The following RIMKLB variants were observed in gnomAD, a reference collection of about 807,000 sequenced individuals.
The protein encoded by RIMKLB is ribosomal modification protein rimK like family member B.
A neutral mutation model predicts 32.0 loss-of-function variants in RIMKLB; 7 were observed. The observed-to-expected ratio is 0.22, with a 90% CI of 0.12 to 0.41. The LOEUF is 0.41. Ranked by LOEUF, RIMKLB falls within the 10% of genes least tolerant of loss-of-function variation. The pLI, the probability that RIMKLB is intolerant of heterozygous loss-of-function variation, is 1.00. For synonymous variants in RIMKLB, 172 were observed against 185.1 expected, an observed-to-expected ratio of 0.93 and a Z score of 0.57; for missense variants, 289 against 498.7, an observed-to-expected ratio of 0.58 and a Z score of 4.00.
intron 2 of RIMKLB, chr12:8,742,560 G>A (rs1947658583): frequency 5.7e-6 from 2 of 349,930 alleles, no homozygotes; most frequent in East Asian, 7.9e-5. Flanking sequence ...AAAAGAAAAA[G>A]TGATGGCATC....
At chr12:8,682,160 A>C (rs1942425766) in intron 1 of RIMKLB, among the ~76,000 whole-genome samples, 3 of 152,226 alleles carry the variant, frequency 2.0e-5, no homozygotes, top group Admixed American at 1.3e-4. Flanking sequence ...ACATGCATTA[A>C]AAAACACATA....
chr12:8,772,251 T>G (rs1001031992), intron 5 of RIMKLB, among the ~76,000 whole-genome samples: 4 of 152,264 alleles, frequency 2.6e-5, no homozygotes, highest in African/African-American at 9.6e-5. Context: ...CTTGATTTTC[T>G]AAGTCAACTC....
chr12:8,726,571 T>G (rs1268164667), intron 2 of RIMKLB, among the ~76,000 whole-genome samples: 1 of 152,182 alleles, frequency 6.6e-6, no homozygotes, highest in Non-Finnish European at 1.5e-5. Context: ...TGGTATATCT[T>G]TCTCTATCCA....
chr12:8,671,328 G>A, the RIMKLB span, among the ~76,000 whole-genome samples: 3 of 151,494 alleles, frequency 2.0e-5, no homozygotes, highest in African/African-American at 7.3e-5. Context: ...TCAGCTCACC[G>A]CAAATTCTGC....
chr12:8,674,054 C>T, the RIMKLB span, among the ~76,000 whole-genome samples: 2 of 151,984 alleles, frequency 1.3e-5, no homozygotes, highest in Non-Finnish European at 2.9e-5. Context: ...ATAAACTCCA[C>T]CTTTTACTGG....
chr12:8,756,080 G>A (rs764272298), intron 5 of RIMKLB, among the ~76,000 whole-genome samples: 1 of 151,720 alleles, frequency 6.6e-6, no homozygotes, highest in South Asian at 2.1e-4. Flanking sequence ...TCTTGAACCA[G>A]GAGACAGAGG....
chr12:8,693,168 TTTA>T (rs1453103664), upstream of RIMKLB, among the ~76,000 whole-genome samples: 3 of 152,152 alleles, frequency 2.0e-5, no homozygotes, highest in East Asian at 1.9e-4. Flanking sequence ...AGACAAACAA[TTTA>T]TTGTTATTTC....
chr12:8,698,197 C>G lies in RIMKLB; in HGVS notation c.-157C>G. On this transcript the variant is annotated 5_prime_UTR_variant, in exon 1 of 6. Coordinates refer to ENST00000535829, the MANE Select transcript of RIMKLB (RefSeq NM_001297776.2). ...CCGGTATCCCGACCCCCTCCCCCTC[C>G]TCTCCTTCCCCCACTTCCAGCCGCC... 2.8e-6 allele frequency: 1 copy of G among 363,464 alleles called. No individual in the cohort carries two copies. Among genetic ancestry groups the G allele is most frequent in the South Asian group, 1.8e-5 (1 of 55,050 alleles). The allele number at this position is 363,464 out of a possible 1,614,324, so 22.5% of individuals were successfully genotyped here. A position where few individuals can be genotyped will look rare whatever the true frequency, so the allele number is the denominator to read the frequency against.
At chr12:8,676,382 CTTTTTTTTTTTTTTTTTTTTTT>C in the RIMKLB span, among the ~76,000 whole-genome samples, 2 of 37,310 alleles carry the variant, frequency 5.4e-5, no homozygotes, top group African/African-American at 2.3e-4. Context: ...CCCCCAACAG[CTTTTTTTTTTTTTTTTTTTTTT>C]TTTTTTTTTT....
At chr12:8,780,354 A>T (rs764831382), downstream of RIMKLB, 4 of 152,190 alleles carry the variant, frequency 2.6e-5, no homozygotes, top group East Asian at 7.7e-4. Context: ...CTTTCTTTCT[A>T]CTTTTTTTGG....
intron 2 of RIMKLB, among the ~76,000 whole-genome samples, chr12:8,739,014 T>TG: frequency 6.6e-6 from 1 of 152,348 alleles, no homozygotes. Context: ...ATTCTAGTAT[T>TG]GCTGGTGAGC....
chr12:8,690,396 T>C (rs969452250), intron 1 of RIMKLB, among the ~76,000 whole-genome samples: 1 of 152,180 alleles, frequency 6.6e-6, no homozygotes, highest in African/African-American at 2.4e-5. Flanking sequence ...TACTGAAGCA[T>C]GAACCCAAAC....
At chr12:8,706,444 CTTT>C (rs1199005342) in intron 1 of RIMKLB, among the ~76,000 whole-genome samples, 1 of 95,224 alleles carries the variant, frequency 1.1e-5, no homozygotes. Context: ...CACGCCTGGA[CTTT>C]TTTTTTTTTT....
intron 2 of RIMKLB, among the ~76,000 whole-genome samples, chr12:8,717,050 G>C (rs1226713545): frequency 6.8e-6 from 1 of 147,572 alleles, no homozygotes; most frequent in African/African-American, 2.5e-5. Context: ...TTTCTAGGAG[G>C]GTTTTTCTTT....
chr12:8,758,346 C>G (rs1460468337), intron 5 of RIMKLB, among the ~76,000 whole-genome samples: 1 of 151,790 alleles, frequency 6.6e-6, no homozygotes, highest in Non-Finnish European at 1.5e-5. Context: ...GTCTTGAACT[C>G]TTAGCCTCAA....
intron 5 of RIMKLB, among the ~76,000 whole-genome samples, chr12:8,766,694 A>G (rs979331557): frequency 6.6e-6 from 1 of 152,186 alleles, no homozygotes; most frequent in African/African-American, 2.4e-5. Context: ...GGAACCCTCT[A>G]TCTCCTGTCC....
Position 8,765,768 on chromosome 12 carries a change from G to A in RIMKLB, c.698-7553G>A, listed in dbSNP as rs144068639. Among the ~76,000 whole-genome samples, 73 of 152,054 alleles carry A rather than the reference G, an allele frequency of 4.8e-4. No individual in the cohort carries two copies. The East Asian group carries it at 0.013, about 28-fold the overall frequency. On this transcript the variant is annotated intron_variant, in intron 5 of 5. Coordinates refer to ENST00000535829, the MANE Select transcript of RIMKLB (RefSeq NM_001297776.2). ...CTTATTAGTTGGGGAAGAAGCTGGG[G>A]GGACACCGGGATAGGGAGGTAGACT...
Position 8,775,394 on chromosome 12 carries a change from C to T in RIMKLB, c.*1610C>T. ...TTTAAAACATGGGTAAAACTAATCC[C>T]ATTGATGGGTTTGGATGGTATGTTA... On this transcript the variant is annotated 3_prime_UTR_variant, in exon 6 of 6. Coordinates refer to ENST00000535829, the MANE Select transcript of RIMKLB (RefSeq NM_001297776.2). 1 of 985,388 alleles carries T rather than the reference C, an allele frequency of 1.0e-6. No individual in the cohort carries two copies. The highest frequency in any genetic ancestry group is 1.2e-6 in the Non-Finnish European group (1 of 829,882). The allele number at this position is 985,388 out of a possible 1,614,324, so 61.0% of individuals were successfully genotyped here.
chr12:8,780,276 G>A (rs1950956032), downstream of RIMKLB: 1 of 152,194 alleles, frequency 6.6e-6, no homozygotes, highest in East Asian at 1.9e-4. Flanking sequence ...GTAGGGGTAG[G>A]TAAAGAAGGA....
Sources: gnomAD v4.1 joint callset for allele counts (sites outside exome capture counted in the v4.1 genomes callset) on GRCh38, gnomAD v4.1.1 for gene constraint, MANE v1.5 for transcripts, NCBI Gene and HGNC (gene_info 2026-07-23, HGNC 2026-07-21) for gene names.